PTPRG: variants seen among roughly 807,000 people sequenced by gnomAD.
PTPRG encodes the protein receptor-type tyrosine-protein phosphatase gamma.
PTPRG carries 102 observed loss-of-function variants against 165.3 expected under a neutral mutation model. The ratio of observed to expected loss-of-function variants is 0.62; its 90% CI spans 0.53 to 0.73. The LOEUF is 0.73. PTPRG is among the 30% of genes least tolerant of loss of function. The pLI, the probability that PTPRG is intolerant of heterozygous loss-of-function variation, is 0.00. For synonymous variants in PTPRG, 675 were observed against 669.5 expected (o/e 1.01, Z -0.13); for missense variants, 1,866 against 1,861.4 (o/e 1.00, Z -0.05).
chr3:61,819,598 AG>A (rs2035894201), intron 2 of PTPRG, among the ~76,000 whole-genome samples: 2 of 152,190 alleles, frequency 1.3e-5, no homozygotes, highest in Admixed American at 6.5e-5. Context: ...ACTACCTATA[AG>A]GTAGTTCTGC....
chr3:61,743,145 G>A (rs894620943), intron 1 of PTPRG: 31 of 1,136,310 alleles, frequency 2.7e-5, no homozygotes, highest in Admixed American at 9.4e-5. Context: ...GAGCGGGTCT[G>A]GTAATATTTT....
chr3:62,029,463 T>C (rs1268031100), intron 4 of PTPRG, among the ~76,000 whole-genome samples: 1 of 152,218 alleles, frequency 6.6e-6, no homozygotes, highest in African/African-American at 2.4e-5. Flanking sequence ...TTAAAAACGC[T>C]AAAACACTAG....
chr3:62,207,008 G>A (rs1187476778), intron 12 of PTPRG, among the ~76,000 whole-genome samples: 2 of 150,424 alleles, frequency 1.3e-5, no homozygotes, highest in African/African-American at 4.9e-5. Flanking sequence ...AGCAAAGTGA[G>A]AAGGTCCACT....
chr3:61,686,445 G>A (rs979262593), intron 1 of PTPRG, among the ~76,000 whole-genome samples: 1 of 152,158 alleles, frequency 6.6e-6, no homozygotes, highest in Admixed American at 6.5e-5. Flanking sequence ...GTCACTATTG[G>A]GGACTTTAAA....
chr3:62,154,930 T>C (rs1444257435), intron 6 of PTPRG, among the ~76,000 whole-genome samples: 1 of 152,102 alleles, frequency 6.6e-6, no homozygotes, highest in Admixed American at 6.5e-5. Flanking sequence ...TGTTGACTCT[T>C]TACACAGCCC....
At chr3:62,053,266 GTT>G (rs36000751) in intron 4 of PTPRG, among the ~76,000 whole-genome samples, 10 of 130,948 alleles carry the variant, frequency 7.6e-5, no homozygotes, top group Admixed American at 1.6e-4. Context: ...ACTGCCTTGG[GTT>G]TTTTTTTTTT....
chr3:61,948,747 G>A (rs1280180466), intron 2 of PTPRG, among the ~76,000 whole-genome samples: 2 of 152,146 alleles, frequency 1.3e-5, no homozygotes, highest in Admixed American at 6.5e-5. Flanking sequence ...GGGATTTAGC[G>A]TAGGTGTGTA....
rs1031972546 is a variant in PTPRG, at chr3:62,295,023, G to A, written c.*1716G>A. 15 of 152,044 alleles carry A rather than the reference G, an allele frequency of 9.9e-5. No homozygotes were observed. The highest frequency in any genetic ancestry group is 3.6e-4 in the African/African-American group (15 of 41,410). The allele number at this position is 152,044 out of a possible 1,614,324, so 9.4% of individuals were successfully genotyped here. A position where few individuals can be genotyped will look rare whatever the true frequency, so the allele number is the denominator to read the frequency against. ...ATTTGAATGCAAAGGCCAGGTCAAT[G>A]GAGTTTTCATAAACTACATAATTTA... On this transcript the variant is annotated 3_prime_UTR_variant, in exon 30 of 30. Coordinates refer to ENST00000474889, the MANE Select transcript of PTPRG (RefSeq NM_002841.4).
intron 2 of PTPRG, among the ~76,000 whole-genome samples, chr3:61,798,430 G>T (rs376214539): frequency 6.6e-6 from 1 of 152,084 alleles, no homozygotes; most frequent in Non-Finnish European, 1.5e-5. Context: ...GTAATATCAG[G>T]CATGAAATTA....
At chr3:61,589,395 A>T (rs565449593) in intron 1 of PTPRG, among the ~76,000 whole-genome samples, 5 of 152,270 alleles carry the variant, frequency 3.3e-5, no homozygotes, top group Non-Finnish European at 7.3e-5. Context: ...TGCATATATT[A>T]ATTTAATCTT....
At chr3:62,056,473 A>C (rs1023531) in intron 4 of PTPRG, among the ~76,000 whole-genome samples, 90,941 of 151,862 alleles carry the variant, frequency 0.6, 28,766 homozygotes, top group Middle Eastern at 0.72. Flanking sequence ...AGCCCAAGAC[A>C]ATTCTTCTTC....
intron 4 of PTPRG, among the ~76,000 whole-genome samples, chr3:62,061,028 T>C (rs1030255383): frequency 6.6e-6 from 1 of 152,250 alleles, no homozygotes; most frequent in Non-Finnish European, 1.5e-5. Context: ...TGTATCCTTC[T>C]GCTATTATAA....
intron 4 of PTPRG, among the ~76,000 whole-genome samples, chr3:62,031,587 A>T (rs576243220): frequency 1.3e-5 from 2 of 152,332 alleles, no homozygotes; most frequent in South Asian, 4.1e-4. Flanking sequence ...TGATCCTGGT[A>T]GATGACCGGG....
rs186500808 is a variant in PTPRG at position 61,710,242 on chromosome 3, A to T, written c.86-38636A>T. Among the ~76,000 whole-genome samples, 120 of 152,340 alleles carry T rather than the reference A, an allele frequency of 7.9e-4. 2 individuals carry two copies. The East Asian group carries it at 0.021, about 26-fold the overall frequency. On this transcript the variant is annotated intron_variant, in intron 1 of 29. Coordinates refer to ENST00000474889, the MANE Select transcript of PTPRG (RefSeq NM_002841.4). ...GAAAGAACTTCAGCTTTTTCTGCTT[A>T]CATGTTTTAATCTTAAATGTGGTTA...
chr3:61,600,167 A>AG (rs1355800915), intron 1 of PTPRG, among the ~76,000 whole-genome samples: 9 of 90,302 alleles, frequency 1.0e-4, no homozygotes, highest in Admixed American at 3.3e-4. Context: ...CTCAAAAAAA[A>AG]AAAAAAATAT....
chr3:62,032,704 C>T (rs1055509320), intron 4 of PTPRG, among the ~76,000 whole-genome samples: 13 of 152,278 alleles, frequency 8.5e-5, no homozygotes, highest in African/African-American at 2.4e-4. Flanking sequence ...CAACGCCTAA[C>T]GTGATTTAAA....
chr3:61,953,133 C>G (rs984518899), intron 2 of PTPRG, among the ~76,000 whole-genome samples: 1 of 152,144 alleles, frequency 6.6e-6, no homozygotes, highest in Non-Finnish European at 1.5e-5. Flanking sequence ...TGTCTCTACT[C>G]AGAAACGCTT....
At chr3:61,832,316 T>C (rs1253554783) in intron 2 of PTPRG, among the ~76,000 whole-genome samples, 1 of 152,232 alleles carries the variant, frequency 6.6e-6, no homozygotes, top group African/African-American at 2.4e-5. Context: ...CTATCTCTTT[T>C]TAAAAACATT....
At chr3:62,186,085 C>T (rs149412945) in intron 8 of PTPRG, among the ~76,000 whole-genome samples, 58 of 152,296 alleles carry the variant, frequency 3.8e-4, no homozygotes, top group African/African-American at 5.1e-4. Context: ...TCTGCCTGCT[C>T]GCTTGCCTGA....
Sources: allele counts gnomAD v4.1 joint callset (sites outside exome capture counted in the v4.1 genomes callset), GRCh38; gene constraint gnomAD v4.1.1; transcripts MANE v1.5; gene names NCBI Gene and HGNC (gene_info 2026-07-23, HGNC 2026-07-21).